Variants in FAM13A observed in about 807,000 individuals in gnomAD.
The protein encoded by FAM13A is family with sequence similarity 13 member A, also known as protein FAM13A.
FAM13A carries 76 observed loss-of-function variants against 129.6 expected under a neutral mutation model. That is an observed-to-expected ratio of 0.59 (90% confidence interval 0.49 to 0.71). The LOEUF is 0.71. Ranked by LOEUF, FAM13A falls within the 30% of genes least tolerant of loss-of-function variation. The pLI is 0.00. For synonymous variants in FAM13A, 443 were observed against 449.9 expected (o/e 0.98, Z 0.20); for missense variants, 1,108 against 1,249.3 (o/e 0.89, Z 1.70).
chr4:88,964,523 A>AT (rs952724074), intron 4 of FAM13A, among the ~76,000 whole-genome samples: 341 of 145,824 alleles, frequency 2.3e-3, no homozygotes, highest in East Asian at 0.021. Context: ...TTTTCTGGAA[A>AT]TTTTTTTTTT....
At chr4:88,931,633 C>A (rs888299776) in intron 5 of FAM13A, among the ~76,000 whole-genome samples, 2 of 152,174 alleles carry the variant, frequency 1.3e-5, no homozygotes, top group Non-Finnish European at 2.9e-5. Flanking sequence ...GTCTATTCAG[C>A]CATCTTGATC....
In FAM13A at chr4:88,978,793, CA is replaced by C. The variant is rs1307709312; in HGVS notation, c.605+12179del. Among the ~76,000 whole-genome samples, 333 of 135,374 alleles carry C rather than the reference CA, an allele frequency of 2.5e-3. 1 individual carries two copies. Among genetic ancestry groups the C allele is most frequent in the African/African-American group, 7.8e-3 (286 of 36,720 alleles). The allele number at this position is 135,374 out of a possible 152,430, so 88.8% of individuals were successfully genotyped here. Reference sequence around the variant, plus strand: ...TGGGCGACAGGGCGAGACTCCGTCTCAAAAAAAAAAAGATAACATCAAACCC... The same window carrying C: ...TGGGCGACAGGGCGAGACTCCGTCTCAAAAAAAAAAGATAACATCAAACCC... On this transcript the variant is annotated intron_variant, in intron 4 of 23. Transcript: ENST00000264344.
At chr4:88,884,075 G>C (rs1744031977) in intron 6 of FAM13A, among the ~76,000 whole-genome samples, 1 of 152,036 alleles carries the variant, frequency 6.6e-6, no homozygotes, top group Non-Finnish European at 1.5e-5. Context: ...AATTCTGTCA[G>C]ACATTCAAAG....
intron 3 of FAM13A, among the ~76,000 whole-genome samples, chr4:88,998,644 T>C (rs4450885): frequency 6.6e-6 from 1 of 152,084 alleles, no homozygotes; most frequent in East Asian, 1.9e-4. Context: ...TAAGGCTGCA[T>C]GGGCACAAAA....
At chr4:88,950,751 T>C (rs1033389048) in intron 4 of FAM13A, among the ~76,000 whole-genome samples, 3 of 152,184 alleles carry the variant, frequency 2.0e-5, no homozygotes, top group Non-Finnish European at 4.4e-5. Flanking sequence ...AAAATACGGG[T>C]GAATTTTTCT....
chr4:88,791,725 C>T lies in FAM13A; in HGVS notation c.1050-1098G>A, dbSNP rs545206440. On this transcript the variant is annotated intron_variant, in intron 8 of 23. Transcript: ENST00000264344. ...ATTACTCCAAACATTCTAATTTATACGATATAATTTTCAACATATGAATAT... is the reference window on the plus strand; with the variant it reads ...ATTACTCCAAACATTCTAATTTATATGATATAATTTTCAACATATGAATAT... 5.7e-4 allele frequency among the ~76,000 whole-genome samples: 87 copies of T among 152,142 alleles called. 2 individuals carry two copies. In the South Asian group the frequency reaches 0.015, roughly 26 times the overall value.
chr4:88,889,440 G>A (rs968873246), intron 6 of FAM13A, among the ~76,000 whole-genome samples: 2 of 152,078 alleles, frequency 1.3e-5, no homozygotes, highest in African/African-American at 4.8e-5. Flanking sequence ...TTGGTTCTTT[G>A]GATTTTCATC....
At chr4:88,969,245 A>G (rs192444331) in intron 4 of FAM13A, among the ~76,000 whole-genome samples, 11 of 152,336 alleles carry the variant, frequency 7.2e-5, no homozygotes, top group Admixed American at 2.0e-4. Context: ...GATAATTTTC[A>G]TAATTTCTGT....
intron 7 of FAM13A, among the ~76,000 whole-genome samples, chr4:88,838,157 G>T (rs1735148423): frequency 6.7e-6 from 1 of 150,156 alleles, no homozygotes; most frequent in African/African-American, 2.5e-5. Context: ...AGTTGTCCAT[G>T]AATTTCGGTA....
intron 20 of FAM13A, chr4:88,737,759 A>G: frequency 1.7e-6 from 1 of 580,912 alleles, no homozygotes; most frequent in Non-Finnish European, 3.1e-6. Context: ...ACACACATAA[A>G]TCAAGGAGGA....
At chr4:88,917,663 T>C (rs759277111) in intron 5 of FAM13A, among the ~76,000 whole-genome samples, 5 of 152,234 alleles carry the variant, frequency 3.3e-5, no homozygotes, top group Admixed American at 6.5e-5. Context: ...CTTATGTGCT[T>C]ATCCCATTTT....
At chr4:88,779,764 ACTTTT>A (rs1435018250) in intron 11 of FAM13A, among the ~76,000 whole-genome samples, 1 of 152,208 alleles carries the variant, frequency 6.6e-6, no homozygotes, top group Non-Finnish European at 1.5e-5. Context: ...GAGTAAATGT[ACTTTT>A]CCACTTCTAT....
intron 5 of FAM13A, among the ~76,000 whole-genome samples, chr4:88,923,984 T>C (rs1197530501): frequency 3.3e-5 from 5 of 152,014 alleles, no homozygotes; most frequent in Non-Finnish European, 5.9e-5. Context: ...TACCTAGGAA[T>C]CCAACTTACA....
At chr4:88,965,421 A>G (rs922729978) in intron 4 of FAM13A, among the ~76,000 whole-genome samples, 1 of 152,232 alleles carries the variant, frequency 6.6e-6, no homozygotes, top group African/African-American at 2.4e-5. Context: ...TCGGGACAGA[A>G]TGGAAAGCAA....
chr4:88,744,904 C>T (rs189607591), intron 19 of FAM13A, among the ~76,000 whole-genome samples: 10 of 152,154 alleles, frequency 6.6e-5, no homozygotes, highest in South Asian at 6.2e-4. Context: ...TGCTAGAATC[C>T]GGACCCACCT....
At chr4:88,856,160 T>C (rs1252725605) in intron 6 of FAM13A, 1 of 152,198 alleles carries the variant, frequency 6.6e-6, no homozygotes, top group Admixed American at 6.6e-5. Flanking sequence ...GTTCAGTTGC[T>C]GTGCTGGCAT....
At position 88,747,663 on chromosome 4, in the gene FAM13A, G is replaced by A. The variant is rs769268616; in HGVS notation, c.2350C>T (p.Arg784Ter). The A allele has an allele frequency of 1.2e-6, 2 of 1,614,112 alleles. No homozygotes were observed. The highest frequency in any genetic ancestry group is 1.7e-5 in the Admixed American group (1 of 60,018). ...TCCTCAGGGCGGCTGCTTTCCGCTC[G>A]CTTCTCCTGGAGCTTCCTCTGAATA... ...ESIQRKLQEK[R>*]AESSRPEDIK... is the part of the protein sequence containing the mutation. Residue 784 changes from arginine to a stop codon, truncating the protein, a stop_gained, in exon 18 of 24, where the codon CGA becomes TGA. Transcript: ENST00000264344. LOFTEE classifies it high-confidence loss of function.
At position 88,851,187 on chromosome 4, in the gene FAM13A, G is replaced by GA. The variant is rs745670587; in HGVS notation, c.844-5dup. The stretch of plus-strand genomic sequence containing the variant: ...CCTCACTCCTGGATTTTGGGATCTA[G>GA]AAGAAAAAAAAAAGAGGGGTGGGGG... On this transcript the variant is annotated splice_region_variant and splice_polypyrimidine_tract_variant and intron_variant, in intron 6 of 23. Transcript: ENST00000264344. 11 of 1,507,676 alleles carry GA rather than the reference G, an allele frequency of 7.3e-6. No individual in the cohort carries two copies. Among genetic ancestry groups the GA allele is most frequent in the South Asian group, 5.2e-5 (4 of 76,622 alleles). The allele number at this position is 1,507,676 out of a possible 1,614,324, so 93.4% of individuals were successfully genotyped here. A position where few individuals can be genotyped will look rare whatever the true frequency, so the allele number is the denominator to read the frequency against.
Position 88,767,873 on chromosome 4 carries a change from T to C in FAM13A, c.1535+110A>G, listed in dbSNP as rs1746000399. 4 of 722,136 alleles carry C rather than the reference T, an allele frequency of 5.5e-6. No individual in the cohort carries two copies. In the East Asian group the frequency reaches 1.1e-4, roughly 19 times the overall value. 44.7% of individuals were successfully genotyped at this position (722,136 alleles called of 1,614,324 possible). A position where few individuals can be genotyped will look rare whatever the true frequency, so the allele number is the denominator to read the frequency against. On this transcript the variant is annotated intron_variant, in intron 12 of 23. Transcript: ENST00000264344. The stretch of plus-strand genomic sequence containing the variant: ...TGCTATAAAATATTGCTGGTAAATA[T>C]ATAGTCCTTTAATTCCATTCTTTTT...
Sources: allele counts gnomAD v4.1 joint callset (sites outside exome capture counted in the v4.1 genomes callset), GRCh38; gene constraint gnomAD v4.1.1; transcripts MANE v1.5; gene names NCBI Gene and HGNC (gene_info 2026-07-23, HGNC 2026-07-21).